The following TGFBRAP1 variants were observed in gnomAD, a reference collection of about 807,000 sequenced individuals.
The protein encoded by TGFBRAP1 is transforming growth factor-beta receptor-associated protein 1.
Under a neutral mutation model 83.2 loss-of-function variants are expected in TGFBRAP1, and 20 were observed. The ratio of observed to expected loss-of-function variants is 0.24; its 90% CI spans 0.17 to 0.35. The LOEUF is 0.35. Ranked by LOEUF, TGFBRAP1 falls within the 10% of genes least tolerant of loss-of-function variation. TGFBRAP1 has a pLI of 1.00. For missense variants in TGFBRAP1, 950 were observed against 1,099.4 expected (o/e 0.86, Z 1.92); for synonymous variants, 415 against 459.8 (o/e 0.90, Z 1.25).
chr2:105,327,591 C>A (rs980589567), intron 1 of TGFBRAP1, among the ~76,000 whole-genome samples: 5 of 151,894 alleles, frequency 3.3e-5, no homozygotes, highest in Middle Eastern at 3.2e-3. Flanking sequence ...AAAAAACCAC[C>A]CAGAAGACAA....
chr2:105,300,284 G>T (rs891619226), intron 2 of TGFBRAP1, among the ~76,000 whole-genome samples: 3 of 152,110 alleles, frequency 2.0e-5, no homozygotes, highest in Non-Finnish European at 4.4e-5. Flanking sequence ...GCTTATAATT[G>T]TGCCAGTTAC....
rs181562918 is a variant in TGFBRAP1, at chr2:105,307,657, C to T, written c.645G>A (p.Arg215=). The change falls in exon 2 of 12, where the codon AGG becomes AGA. Residue 215 remains arginine (R), a synonymous_variant. Coordinates refer to ENST00000393359, the MANE Select transcript of TGFBRAP1 (RefSeq NM_004257.6). Reference sequence around the variant, plus strand: ...CCAGCAGGAACTCCTGTCTCCCTATCCTCTTGACGATCGGCGGCCTCTCCT... The same window carrying T: ...CCAGCAGGAACTCCTGTCTCCCTATTCTCTTGACGATCGGCGGCCTCTCCT... ...CSEERPPIVK[R]IGRQEFLLAG... 6.2e-7 allele frequency: 1 copy of T among 1,614,024 alleles called. No individual in the cohort carries two copies. Among genetic ancestry groups the T allele is most frequent in the Non-Finnish European group, 8.5e-7 (1 of 1,179,986 alleles).
chr2:105,279,774 A>G (rs1251532049), intron 6 of TGFBRAP1, among the ~76,000 whole-genome samples: 3 of 152,124 alleles, frequency 2.0e-5, no homozygotes, highest in Admixed American at 6.6e-5. Context: ...GCAGTGGCTC[A>G]CCCCTGTAAT....
chr2:105,281,713 A>C (rs945298262), intron 5 of TGFBRAP1, among the ~76,000 whole-genome samples: 10 of 152,076 alleles, frequency 6.6e-5, no homozygotes, highest in Non-Finnish European at 1.3e-4. Flanking sequence ...CCACACCCCA[A>C]CACTTCTACT....
rs770223503 is a variant in TGFBRAP1, at chr2:105,267,954, A to G, written c.2407-395T>C. 283 of 890,442 alleles carry G rather than the reference A, an allele frequency of 3.2e-4. 1 individual carries two copies. Among genetic ancestry groups the G allele is most frequent in the Middle Eastern group, 1.1e-3 (2 of 1,742 alleles). 55.2% of individuals were successfully genotyped at this position (890,442 alleles called of 1,614,324 possible). ...GGGTTCTCTCATTTGCAAATAAGAA[A>G]AGTAAAGCACAAACAAATAAGGGAT... On this transcript the variant is annotated intron_variant, in intron 11 of 11. Transcript: ENST00000393359.
At chr2:105,253,225 C>G in the TGFBRAP1 span, among the ~76,000 whole-genome samples, 1 of 152,036 alleles carries the variant, frequency 6.6e-6, no homozygotes, top group Admixed American at 6.5e-5. Flanking sequence ...CTCCGCCTCC[C>G]GGGTTCAAGT....
intron 2 of TGFBRAP1, among the ~76,000 whole-genome samples, chr2:105,306,829 C>A (rs920012370): frequency 6.6e-6 from 1 of 151,820 alleles, no homozygotes. Context: ...AACATGCATG[C>A]TAGATATGAG....
rs549323162 is a variant in TGFBRAP1 at position 105,305,680 on chromosome 2, T to G, written c.688+1934A>C. 2.0e-5 allele frequency among the ~76,000 whole-genome samples: 3 copies of G among 152,310 alleles called. No individual in the cohort carries two copies. The East Asian group carries it at 5.8e-4, about 29-fold the overall frequency. On this transcript the variant is annotated intron_variant, in intron 2 of 11. Coordinates refer to ENST00000393359, the MANE Select transcript of TGFBRAP1 (RefSeq NM_004257.6). Reference sequence around the variant, plus strand: ...ATTAATTAATTAATTTTATTTACTTTTTTAGACAGAGTCTCACTCTGTCAC... The same window carrying G: ...ATTAATTAATTAATTTTATTTACTTGTTTAGACAGAGTCTCACTCTGTCAC...
At chr2:105,302,916 G>A (rs546252459) in intron 2 of TGFBRAP1, among the ~76,000 whole-genome samples, 1 of 152,280 alleles carries the variant, frequency 6.6e-6, no homozygotes, top group South Asian at 2.1e-4. Flanking sequence ...AATACCCTAA[G>A]GACAGAAAGA....
chr2:105,281,890 T>C (rs1005564278), intron 5 of TGFBRAP1, among the ~76,000 whole-genome samples: 9 of 152,018 alleles, frequency 5.9e-5, no homozygotes, highest in Non-Finnish European at 1.0e-4. Context: ...GGGTGTGCTA[T>C]GGCATCTAGT....
At chr2:105,283,205 A>G (rs956568056) in intron 5 of TGFBRAP1, among the ~76,000 whole-genome samples, 26 of 152,240 alleles carry the variant, frequency 1.7e-4, no homozygotes, top group African/African-American at 6.0e-4. Context: ...ACAGCATGTA[A>G]GAGTTGTACA....
chr2:105,274,091 T>G (rs1383200524), intron 8 of TGFBRAP1, among the ~76,000 whole-genome samples: 1 of 152,210 alleles, frequency 6.6e-6, no homozygotes, highest in South Asian at 2.1e-4. Flanking sequence ...GAACAGTATG[T>G]GAAAAGATAT....
downstream of TGFBRAP1, among the ~76,000 whole-genome samples, chr2:105,260,304 G>C (rs1676759784): frequency 6.6e-6 from 1 of 152,196 alleles, no homozygotes; most frequent in Non-Finnish European, 1.5e-5. Flanking sequence ...TAGTTACTTG[G>C]AGGCTGAGGC....
Position 105,307,645 on chromosome 2 carries a change from C to T in TGFBRAP1, c.657G>A (p.Gln219=). The change falls in exon 2 of 12, where the codon CAG becomes CAA. Residue 219 remains glutamine (Q), a synonymous_variant. Transcript: ENST00000393359. ...RPPIVKRIGR[Q]EFLLAGPGGL... ...CTCCGGGGCCCGCCAGCAGGAACTC[C>T]TGTCTCCCTATCCTCTTGACGATCG... is the stretch of plus-strand genomic sequence containing the variant. 2 of 1,613,686 alleles carry T rather than the reference C, an allele frequency of 1.2e-6. No homozygotes were observed. The highest frequency in any genetic ancestry group is 1.7e-6 in the Non-Finnish European group (2 of 1,179,826).
intron 8 of TGFBRAP1, 117 bp from the exon 9 acceptor site, chr2:105,273,807 A>C: frequency 7.9e-7 from 1 of 1,271,460 alleles, no homozygotes; most frequent in South Asian, 1.5e-5. Flanking sequence ...AATATGATTA[A>C]ATTATTATGT....
chr2:105,327,752 C>T (rs1337629013), intron 1 of TGFBRAP1, among the ~76,000 whole-genome samples: 3 of 152,322 alleles, frequency 2.0e-5, no homozygotes, highest in East Asian at 1.9e-4. Context: ...GGGATTCCTG[C>T]AGTGGTGAAA....
intron 1 of TGFBRAP1, among the ~76,000 whole-genome samples, chr2:105,327,887 C>T (rs1679268836): frequency 1.3e-5 from 2 of 152,180 alleles, no homozygotes; most frequent in South Asian, 4.1e-4. Context: ...TTGTGTAATG[C>T]AAACCTTGAT....
chr2:105,308,043 C>A lies in TGFBRAP1; in HGVS notation c.259G>T (p.Ala87Ser). 1 of 1,613,986 alleles carries A rather than the reference C, an allele frequency of 6.2e-7. No homozygotes were observed. Among genetic ancestry groups the A allele is most frequent in the East Asian group, 2.2e-5 (1 of 44,856 alleles). Residue 87 changes from alanine (A) to serine (S), a missense_variant, in exon 2 of 12, where the codon GCA becomes TCA. Coordinates refer to ENST00000393359, the MANE Select transcript of TGFBRAP1 (RefSeq NM_004257.6). ...KPVNELRAAS[A>S]LNRLLVLCDN... ...CACAGCACCAGCAGCCTGTTGAGTG[C>A]TGAGGCCGCACGCAGCTCGTTCACG... is the stretch of plus-strand genomic sequence containing the variant.
chr2:105,256,392 T>C, the TGFBRAP1 span, among the ~76,000 whole-genome samples: 50 of 152,284 alleles, frequency 3.3e-4, no homozygotes, highest in Admixed American at 3.2e-3. Flanking sequence ...CTGCTGCTCC[T>C]TCTGCCTGGG....
Sources: allele counts gnomAD v4.1 joint callset (sites outside exome capture counted in the v4.1 genomes callset), GRCh38; gene constraint gnomAD v4.1.1; transcripts MANE v1.5; gene names NCBI Gene and HGNC (gene_info 2026-07-23, HGNC 2026-07-21).